ZRANB3: variants seen among roughly 807,000 people sequenced by gnomAD.
The protein encoded by ZRANB3 is zinc finger RANBP2-type containing 3, also known as DNA annealing helicase and endonuclease ZRANB3.
ZRANB3 carries 125 observed loss-of-function variants against 133.8 expected under a neutral mutation model. The observed-to-expected ratio is 0.93, with a 90% CI of 0.81 to 1.08. The LOEUF is 1.08. Ranked by LOEUF, ZRANB3 falls within the 50% of genes least tolerant of loss-of-function variation. The pLI is 0.00. For synonymous variants in ZRANB3, 387 were observed against 432.7 expected, an observed-to-expected ratio of 0.89 and a Z score of 1.31; for missense variants, 1,229 against 1,275.5, an observed-to-expected ratio of 0.96 and a Z score of 0.56.
At chr2:135,236,343 C>T (rs1695283579) in intron 12 of ZRANB3, among the ~76,000 whole-genome samples, 1 of 151,926 alleles carries the variant, frequency 6.6e-6, no homozygotes, top group African/African-American at 2.4e-5. Flanking sequence ...GAATCAATGT[C>T]ATGAAAATGG....
At chr2:135,233,276 A>T (rs1434211384) in intron 12 of ZRANB3, among the ~76,000 whole-genome samples, 1 of 152,216 alleles carries the variant, frequency 6.6e-6, no homozygotes, top group Non-Finnish European at 1.5e-5. Context: ...AAAGCCTCCA[A>T]GAAATATGGG....
At chr2:135,409,457 T>C (rs2104952084) in intron 2 of ZRANB3, among the ~76,000 whole-genome samples, 1 of 151,314 alleles carries the variant, frequency 6.6e-6, no homozygotes, top group South Asian at 2.1e-4. Context: ...AAAAAAAAAC[T>C]CTCAACAAAT....
chr2:135,260,796 T>C (rs1184915682), intron 12 of ZRANB3, among the ~76,000 whole-genome samples: 3 of 145,546 alleles, frequency 2.1e-5, no homozygotes, highest in Non-Finnish European at 4.5e-5. Flanking sequence ...ATACTATATA[T>C]ATTCAAGTTT....
At chr2:135,466,688 T>G (rs1215671376) in intron 2 of ZRANB3, among the ~76,000 whole-genome samples, 4 of 151,990 alleles carry the variant, frequency 2.6e-5, no homozygotes, top group Admixed American at 6.6e-5. Context: ...TGATTTTTTT[T>G]TTTTTTGAGA....
intron 19 of ZRANB3, among the ~76,000 whole-genome samples, chr2:135,206,610 G>A (rs1382089149): frequency 6.6e-6 from 1 of 151,678 alleles, no homozygotes; most frequent in Non-Finnish European, 1.5e-5. Context: ...TAATTGTGTT[G>A]GGTGTGATAA....
intron 2 of ZRANB3, among the ~76,000 whole-genome samples, chr2:135,425,357 C>T (rs1408060540): frequency 6.6e-6 from 1 of 152,090 alleles, no homozygotes; most frequent in African/African-American, 2.4e-5. Context: ...CTTAATGTGT[C>T]TGAAAGTATT....
intron 6 of ZRANB3, among the ~76,000 whole-genome samples, chr2:135,337,657 A>C (rs1388563598): frequency 3.3e-5 from 5 of 152,216 alleles, no homozygotes; most frequent in African/African-American, 1.2e-4. Context: ...GTTTAATCAA[A>C]ACTGATGTTA....
chr2:135,491,432 C>A (rs887577146), intron 2 of ZRANB3, among the ~76,000 whole-genome samples: 5 of 152,164 alleles, frequency 3.3e-5, no homozygotes, highest in African/African-American at 1.2e-4. Context: ...GCAACCTCCA[C>A]CTCCCGGGTT....
At chr2:135,409,446 T>C (rs1688203821) in intron 2 of ZRANB3, among the ~76,000 whole-genome samples, 1 of 151,270 alleles carries the variant, frequency 6.6e-6, no homozygotes, top group Non-Finnish European at 1.5e-5. Flanking sequence ...CGCTTTATGA[T>C]AAAAAAAAAC....
At chr2:135,349,796 A>C (rs1306854910) in intron 5 of ZRANB3, among the ~76,000 whole-genome samples, 188 bp downstream of exon 5, 2 of 152,236 alleles carry the variant, frequency 1.3e-5, no homozygotes, top group African/African-American at 4.8e-5. Flanking sequence ...AGCTTGGCTA[A>C]GGCTTAAATG....
intron 3 of ZRANB3, among the ~76,000 whole-genome samples, chr2:135,366,244 C>G (rs1424890910): frequency 2.6e-5 from 4 of 151,898 alleles, no homozygotes; most frequent in Non-Finnish European, 5.9e-5. Flanking sequence ...GAACGTACAC[C>G]CTTTTAAGAT....
chr2:135,469,494 T>C (rs930944536), intron 2 of ZRANB3, among the ~76,000 whole-genome samples: 4 of 152,186 alleles, frequency 2.6e-5, no homozygotes, highest in African/African-American at 9.6e-5. Flanking sequence ...TTTAAATTCA[T>C]TTTTTAAATC....
intron 2 of ZRANB3, among the ~76,000 whole-genome samples, chr2:135,462,378 T>A (rs1679862844): frequency 6.6e-6 from 1 of 152,164 alleles, no homozygotes; most frequent in Non-Finnish European, 1.5e-5. Flanking sequence ...CAATTCCACG[T>A]AACTAAAAAG....
intron 11 of ZRANB3, among the ~76,000 whole-genome samples, chr2:135,266,542 G>A (rs554081020): frequency 1.2e-4 from 18 of 151,882 alleles, no homozygotes; most frequent in South Asian, 4.2e-4. Context: ...TGAGGTGGGC[G>A]GATCACAAGG....
At chr2:135,458,279 A>G (rs1281978941) in intron 2 of ZRANB3, among the ~76,000 whole-genome samples, 1 of 152,038 alleles carries the variant, frequency 6.6e-6, no homozygotes, top group African/African-American at 2.4e-5. Context: ...GTCTTCATTC[A>G]TTACTATAGC....
chr2:135,396,230 G>C (rs1162914877), intron 2 of ZRANB3, among the ~76,000 whole-genome samples: 1 of 152,176 alleles, frequency 6.6e-6, no homozygotes, highest in African/African-American at 2.4e-5. Context: ...AATTAGTATA[G>C]CCACTATGGG....
At chr2:135,417,115 C>T (rs1688615551) in intron 2 of ZRANB3, among the ~76,000 whole-genome samples, 1 of 152,138 alleles carries the variant, frequency 6.6e-6, no homozygotes. Context: ...CAAATGGGAT[C>T]TAATTAAACT....
In ZRANB3 at chr2:135,207,650, C is replaced by G. The variant is rs1693930512; in HGVS notation, c.2793G>C (p.Trp931Cys). 2 of 1,613,840 alleles carry G rather than the reference C, an allele frequency of 1.2e-6. No individual in the cohort carries two copies. Among genetic ancestry groups the G allele is most frequent in the African/African-American group, 1.3e-5 (1 of 74,910 alleles). ...QTKQACKANSWDSRFCSLKCQ... is the reference protein window; with the variant it reads ...QTKQACKANSCDSRFCSLKCQ... Reference sequence around the variant, plus strand: ...ATTTCAGAGAGCAAAACCGTGAATCCCAAGAGTTCGCTTTACATGCTTGCT... The same window carrying G: ...ATTTCAGAGAGCAAAACCGTGAATCGCAAGAGTTCGCTTTACATGCTTGCT... Residue 931 changes from tryptophan (W) to cysteine (C), a missense_variant, in exon 19 of 21, where the codon TGG becomes TGC. Trp to Cys is a radical substitution (Grantham distance 215). Transcript: ENST00000264159.
At chr2:135,441,689 T>G (rs1322448615) in intron 2 of ZRANB3, among the ~76,000 whole-genome samples, 1 of 152,114 alleles carries the variant, frequency 6.6e-6, no homozygotes, top group Non-Finnish European at 1.5e-5. Context: ...ATGAAACGGC[T>G]ATATTTTACC....
Sources: gnomAD v4.1 joint callset for allele counts (sites outside exome capture counted in the v4.1 genomes callset) on GRCh38, gnomAD v4.1.1 for gene constraint, MANE v1.5 for transcripts, NCBI Gene and HGNC (gene_info 2026-07-23, HGNC 2026-07-21) for gene names.